The following CDC5L variants were observed in gnomAD, a reference collection of about 807,000 sequenced individuals.
CDC5L encodes the protein cell division cycle 5-like protein.
In CDC5L, 18 loss-of-function variants were observed where a neutral mutation model predicts 104.1. That is an observed-to-expected ratio of 0.17 (90% CI 0.12 to 0.26). CDC5L has a LOEUF of 0.26. CDC5L is among the 10% of genes least tolerant of loss of function. The pLI, the probability that CDC5L is intolerant of heterozygous loss-of-function variation, is 1.00. For missense variants in CDC5L, 673 were observed against 956.9 expected (o/e 0.70, Z 3.91); for synonymous variants, 331 against 322.7 (o/e 1.03, Z -0.28).
At chr6:44,400,584 C>T (rs575760286) in intron 5 of CDC5L, among the ~76,000 whole-genome samples, 1 of 152,256 alleles carries the variant, frequency 6.6e-6, no homozygotes, top group Admixed American at 6.5e-5. Context: ...GACAGGGTTT[C>T]CCCATGTTGG....
At position 44,448,389 on chromosome 6, in the gene CDC5L, G is replaced by A. The variant is rs891707420; in HGVS notation, c.*1678G>A. 6.6e-6 allele frequency: 1 copy of A among 152,124 alleles called. No individual in the cohort carries two copies. Among genetic ancestry groups the A allele is most frequent in the Non-Finnish European group, 1.5e-5 (1 of 68,022 alleles). 9.4% of individuals were successfully genotyped at this position (152,124 alleles called of 1,614,324 possible). ...GCAAAGGAATGACATGATCAGATTT[G>A]GTTTTAGAAACATCACTATCTCCTT... On this transcript the variant is annotated 3_prime_UTR_variant, in exon 16 of 16. Transcript: ENST00000371477.
At chr6:44,392,862 T>C (rs371246849) in intron 3 of CDC5L, 34 bp downstream of exon 3, 8 of 1,577,176 alleles carry the variant, frequency 5.1e-6, no homozygotes, top group East Asian at 2.2e-5. Context: ...ATAGAATATA[T>C]GTATATGTTC....
chr6:44,424,334 G>A, intron 10 of CDC5L, 85 bp from the exon 11 acceptor site: 1 of 1,160,834 alleles, frequency 8.6e-7, no homozygotes, highest in Non-Finnish European at 1.2e-6. Flanking sequence ...TCACCCTGTT[G>A]TGCTATCAAT....
chr6:44,398,418 C>G, intron 5 of CDC5L, among the ~76,000 whole-genome samples: 1 of 152,160 alleles, frequency 6.6e-6, no homozygotes, highest in East Asian at 1.9e-4. Context: ...GCATTGATTG[C>G]TTTAAATAAA....
chr6:44,388,809 C>CT (rs1371900566), intron 1 of CDC5L, among the ~76,000 whole-genome samples: 6 of 151,996 alleles, frequency 3.9e-5, no homozygotes, highest in Middle Eastern at 3.4e-3. Context: ...CTCATGATAC[C>CT]TTTTTCTTCC....
intron 14 of CDC5L, among the ~76,000 whole-genome samples, chr6:44,442,126 G>A (rs904291902): frequency 5.3e-5 from 8 of 151,778 alleles, no homozygotes; most frequent in Admixed American, 2.0e-4. Context: ...TAGTAGAGAC[G>A]GGATTTCACT....
chr6:44,387,719 G>C lies in CDC5L; in HGVS notation c.-105G>C, dbSNP rs1200718563. On this transcript the variant is annotated 5_prime_UTR_variant, in exon 1 of 16. Coordinates refer to ENST00000371477, the MANE Select transcript of CDC5L (RefSeq NM_001253.4). The stretch of plus-strand genomic sequence containing the variant: ...GCTTGCGCAGATCTTCAAAGCAGAA[G>C]GTCGCGCTTGGAGGAAGTGGCGGCT... 9.9e-7 allele frequency: 1 copy of C among 1,005,102 alleles called. No homozygotes were observed. The highest frequency in any genetic ancestry group is 1.5e-6 in the Non-Finnish European group (1 of 655,026). 62.3% of individuals were successfully genotyped at this position (1,005,102 alleles called of 1,614,324 possible).
Position 44,447,073 on chromosome 6 carries a change from A to G in CDC5L, c.*362A>G, listed in dbSNP as rs1249111594. On this transcript the variant is annotated 3_prime_UTR_variant, in exon 16 of 16. Transcript: ENST00000371477. ...GTAGCCTTTTGTTTGAAGTAATTAG[A>G]TACTTAAGAGTGCCTGCAAACCAGC... is the stretch of plus-strand genomic sequence containing the variant. The G allele has an allele frequency of 6.3e-6, 1 of 158,606 alleles. No individual in the cohort carries two copies. The highest frequency in any genetic ancestry group is 1.4e-5 in the Non-Finnish European group (1 of 72,488). The allele number at this position is 158,606 out of a possible 1,614,324, so 9.8% of individuals were successfully genotyped here. A position where few individuals can be genotyped will look rare whatever the true frequency, so the allele number is the denominator to read the frequency against.
At chr6:44,390,172 CTCTT>C (rs1469915201) in intron 1 of CDC5L, 92 bp from the exon 2 acceptor site, 17 of 726,720 alleles carry the variant, frequency 2.3e-5, no homozygotes, top group Non-Finnish European at 4.1e-5. Flanking sequence ...TGTTATATGT[CTCTT>C]TCTCCAATAG....
intron 10 of CDC5L, 142 bp from the exon 11 acceptor site, chr6:44,424,277 C>G: frequency 1.4e-6 from 1 of 710,610 alleles, no homozygotes; most frequent in Non-Finnish European, 2.3e-6. Flanking sequence ...TTGAAACCAT[C>G]CAATTATTCT....
chr6:44,399,125 A>T (rs776090221), intron 5 of CDC5L, among the ~76,000 whole-genome samples: 12 of 152,024 alleles, frequency 7.9e-5, no homozygotes, highest in South Asian at 6.2e-4. Flanking sequence ...CCTAATTAAA[A>T]TTTTTTTTGT....
chr6:44,430,492 AT>A (rs1792630131), intron 14 of CDC5L, among the ~76,000 whole-genome samples: 2 of 149,084 alleles, frequency 1.3e-5, no homozygotes, highest in Admixed American at 1.4e-4. Flanking sequence ...TAGTTTGCAT[AT>A]TTTGAATTCC....
At chr6:44,416,428 T>C (rs965257984) in intron 8 of CDC5L, among the ~76,000 whole-genome samples, 8 of 152,166 alleles carry the variant, frequency 5.3e-5, no homozygotes, top group African/African-American at 1.7e-4. Context: ...ATTGGATATA[T>C]GGAGCAGTGG....
chr6:44,414,069 AT>A (rs1263333389), intron 8 of CDC5L, among the ~76,000 whole-genome samples: 6 of 151,584 alleles, frequency 4.0e-5, no homozygotes, highest in Admixed American at 3.9e-4. Context: ...CTTATTGGTT[AT>A]TTTTATATCT....
chr6:44,413,175 C>A (rs182349554), intron 8 of CDC5L, among the ~76,000 whole-genome samples: 10 of 152,298 alleles, frequency 6.6e-5, no homozygotes, highest in Admixed American at 6.5e-4. Context: ...TTTTAGGCAC[C>A]CATTAATCTA....
chr6:44,417,730 GGACCT>G (rs1791969271), intron 8 of CDC5L, among the ~76,000 whole-genome samples: 1 of 152,142 alleles, frequency 6.6e-6, no homozygotes, highest in Non-Finnish European at 1.5e-5. Flanking sequence ...CTTCTGAAAG[GGACCT>G]GACCCCCACA....
chr6:44,434,664 C>G (rs753098053), intron 14 of CDC5L, among the ~76,000 whole-genome samples: 2 of 152,172 alleles, frequency 1.3e-5, no homozygotes, highest in Non-Finnish European at 2.9e-5. Flanking sequence ...GTGAGGGGTG[C>G]TCTTAATGTT....
Position 44,408,839 on chromosome 6 carries a change from A to T in CDC5L, c.1092+207A>T, listed in dbSNP as rs552578768. On this transcript the variant is annotated intron_variant, in intron 8 of 15. Transcript: ENST00000371477. ...GTAGTTTTATTTTCACATTTATTAA[A>T]ATTCGTAATTTTTTGAAGCCAGCCC... 1.3e-4 allele frequency among the ~76,000 whole-genome samples: 20 copies of T among 152,298 alleles called. No individual in the cohort carries two copies. The South Asian group carries it at 1.9e-3, about 14-fold the overall frequency.
At chr6:44,432,134 C>T (rs920430728) in intron 14 of CDC5L, among the ~76,000 whole-genome samples, 4 of 152,222 alleles carry the variant, frequency 2.6e-5, no homozygotes, top group African/African-American at 9.7e-5. Context: ...TTGTATCCAT[C>T]ACTAATTCAG....
Sources: gnomAD v4.1 joint callset for allele counts (sites outside exome capture counted in the v4.1 genomes callset) on GRCh38, gnomAD v4.1.1 for gene constraint, MANE v1.5 for transcripts, NCBI Gene and HGNC (gene_info 2026-07-23, HGNC 2026-07-21) for gene names.